Variants in GALNTL6 observed in about 807,000 individuals in gnomAD.
The protein encoded by GALNTL6 is polypeptide N-acetylgalactosaminyltransferase-like 6.
GALNTL6 carries 46 observed loss-of-function variants against 73.7 expected under a neutral mutation model. That is an observed-to-expected ratio of 0.62 (90% CI 0.49 to 0.80). GALNTL6 has a LOEUF of 0.80. GALNTL6 is among the 30% of genes least tolerant of loss of function. The probability of loss-of-function intolerance (pLI) is 0.00; values close to 1 mark genes in which losing one functional copy is unlikely to be tolerated. For synonymous variants in GALNTL6, 259 were observed against 263.7 expected, an observed-to-expected ratio of 0.98 and a Z score of 0.17; for missense variants, 604 against 755.0, an observed-to-expected ratio of 0.80 and a Z score of 2.34.
intron 5 of GALNTL6, among the ~76,000 whole-genome samples, chr4:172,657,636 GA>G (rs1473766483): frequency 1.3e-5 from 2 of 152,196 alleles, no homozygotes; most frequent in African/African-American, 4.8e-5. Flanking sequence ...TATATGAAGG[GA>G]AGGGTGTGAA....
intron 2 of GALNTL6, among the ~76,000 whole-genome samples, chr4:171,982,782 A>G (rs1404724079): frequency 6.6e-6 from 1 of 152,176 alleles, no homozygotes; most frequent in Non-Finnish European, 1.5e-5. Flanking sequence ...ATGTTGTGAA[A>G]GAAAATAGGA....
intron 2 of GALNTL6, among the ~76,000 whole-genome samples, chr4:172,042,334 A>G (rs1742106957): frequency 6.6e-6 from 1 of 152,058 alleles, no homozygotes; most frequent in South Asian, 2.1e-4. Flanking sequence ...ATGACTAATG[A>G]GATACTGACC....
chr4:172,150,038 T>G (rs2110758575), intron 2 of GALNTL6, among the ~76,000 whole-genome samples: 1 of 152,238 alleles, frequency 6.6e-6, no homozygotes, highest in East Asian at 1.9e-4. Flanking sequence ...GGAATTTTCA[T>G]ACAGAAATCC....
intron 5 of GALNTL6, among the ~76,000 whole-genome samples, chr4:172,595,338 ACCTG>A (rs1412074212): frequency 7.2e-5 from 11 of 152,162 alleles, no homozygotes; most frequent in Admixed American, 5.9e-4. Context: ...ATTTTAAGAG[ACCTG>A]AGTCATTACG....
intron 5 of GALNTL6, among the ~76,000 whole-genome samples, chr4:172,782,963 C>T (rs1739451799): frequency 6.6e-6 from 1 of 151,896 alleles, no homozygotes; most frequent in Non-Finnish European, 1.5e-5. Flanking sequence ...TTTCCCAGGA[C>T]AAAGCCCAAA....
At chr4:172,229,895 ACTGGACAGAAC>A (rs1560980468) in intron 3 of GALNTL6, 131 bp downstream of exon 3, 1 of 598,962 alleles carries the variant, frequency 1.7e-6, no homozygotes, top group African/African-American at 1.9e-5. Flanking sequence ...TGGAGGTGAT[ACTGGACAGAAC>A]CTAAATGACT....
chr4:172,205,655 G>C (rs1201979056), intron 2 of GALNTL6, among the ~76,000 whole-genome samples: 2 of 152,142 alleles, frequency 1.3e-5, no homozygotes, highest in Non-Finnish European at 1.5e-5. Context: ...GAAGAGCATA[G>C]GCAGTGTTAT....
intron 7 of GALNTL6, among the ~76,000 whole-genome samples, chr4:172,843,157 T>C (rs1476307452): frequency 6.6e-6 from 1 of 152,168 alleles, no homozygotes; most frequent in African/African-American, 2.4e-5. Flanking sequence ...CACTTCATTT[T>C]CACTTTATTA....
chr4:172,141,430 C>A (rs369800295), intron 2 of GALNTL6, among the ~76,000 whole-genome samples: 2 of 151,914 alleles, frequency 1.3e-5, no homozygotes, highest in African/African-American at 4.8e-5. Context: ...TCAGATGGTA[C>A]GAGTACAAAT....
intron 5 of GALNTL6, among the ~76,000 whole-genome samples, chr4:172,488,199 G>T (rs1733765722): frequency 6.6e-6 from 1 of 152,150 alleles, no homozygotes; most frequent in Non-Finnish European, 1.5e-5. Context: ...CCTTGTTACA[G>T]ACTTAGAAGA....
chr4:172,558,683 C>A (rs1297748655), intron 5 of GALNTL6, among the ~76,000 whole-genome samples: 3 of 152,098 alleles, frequency 2.0e-5, no homozygotes, highest in African/African-American at 4.8e-5. Flanking sequence ...ACCACCCTAG[C>A]AAACTAACAT....
rs1412675089 is a variant in GALNTL6 at position 172,445,910 on chromosome 4, T to C, written c.553+97221T>C. On this transcript the variant is annotated intron_variant, in intron 5 of 12. Coordinates refer to ENST00000506823, the MANE Select transcript of GALNTL6 (RefSeq NM_001034845.3). ...TGCTTAGTACTATTATTCTAATGCC[T>C]TCATTAAACCAGCAGACACTTGCTG... 2.0e-5 allele frequency among the ~76,000 whole-genome samples: 3 copies of C among 152,136 alleles called. No homozygotes were observed. The East Asian group carries it at 5.8e-4, about 29-fold the overall frequency.
chr4:172,894,823 A>C (rs1307242679), intron 8 of GALNTL6, among the ~76,000 whole-genome samples: 1 of 151,910 alleles, frequency 6.6e-6, no homozygotes, highest in African/African-American at 2.4e-5. Flanking sequence ...GTCCCTTTAG[A>C]TCTGTTAATA....
At chr4:172,804,809 T>C (rs1332199383) in intron 5 of GALNTL6, among the ~76,000 whole-genome samples, 2 of 152,214 alleles carry the variant, frequency 1.3e-5, no homozygotes, top group East Asian at 3.8e-4. Context: ...TTAGTGGCAG[T>C]CTCATAGACA....
chr4:172,005,070 G>A (rs2110767087), intron 2 of GALNTL6, among the ~76,000 whole-genome samples: 1 of 151,972 alleles, frequency 6.6e-6, no homozygotes, highest in East Asian at 1.9e-4. Flanking sequence ...TTAAGGTGGA[G>A]TTCTTTCTAT....
chr4:172,888,701 G>T (rs1412190528), intron 8 of GALNTL6, among the ~76,000 whole-genome samples: 1 of 152,090 alleles, frequency 6.6e-6, no homozygotes, highest in Non-Finnish European at 1.5e-5. Flanking sequence ...GGTACCTCCG[G>T]CTCTGTTCTT....
chr4:172,923,862 G>A (rs1002513720), intron 8 of GALNTL6, among the ~76,000 whole-genome samples: 3 of 151,882 alleles, frequency 2.0e-5, no homozygotes, highest in Non-Finnish European at 2.9e-5. Flanking sequence ...ATCAAATCTC[G>A]TGAGACTTAC....
chr4:172,189,763 G>A (rs1735518042), intron 2 of GALNTL6, among the ~76,000 whole-genome samples: 2 of 151,786 alleles, frequency 1.3e-5, no homozygotes, highest in South Asian at 4.2e-4. Context: ...TCCATCTTAA[G>A]ATTCTATGCA....
rs1011296653 is a variant in GALNTL6, at chr4:172,814,350, G to T, written c.923+627G>T. On this transcript the variant is annotated intron_variant, in intron 7 of 12. Transcript: ENST00000506823. ...ATTAATTTCTACCAAACGACATCCTGTTTTTTCAGTGTGGACATAAGAAGT... is the reference window on the plus strand; with the variant it reads ...ATTAATTTCTACCAAACGACATCCTTTTTTTTCAGTGTGGACATAAGAAGT... 2.2e-4 allele frequency among the ~76,000 whole-genome samples: 33 copies of T among 152,046 alleles called. 2 individuals are homozygous for T. Among genetic ancestry groups the T allele is most frequent in the Non-Finnish European group, 1.5e-5 (1 of 67,990 alleles).
Sources: gnomAD v4.1 joint callset for allele counts (sites outside exome capture counted in the v4.1 genomes callset) on GRCh38, gnomAD v4.1.1 for gene constraint, MANE v1.5 for transcripts, NCBI Gene and HGNC (gene_info 2026-07-23, HGNC 2026-07-21) for gene names.